GOLPH3: variants seen among roughly 807,000 people sequenced by gnomAD.
The protein encoded by GOLPH3 is coat protein GPP34.
Under a neutral mutation model 28.5 loss-of-function variants are expected in GOLPH3, and 14 were observed. The observed-to-expected ratio is 0.49, with a 90% CI of 0.32 to 0.77. The LOEUF is 0.77. GOLPH3 is among the 30% of genes least tolerant of loss of function. The pLI is 0.03. For synonymous variants in GOLPH3, 158 were observed against 159.2 expected, an observed-to-expected ratio of 0.99 and a Z score of 0.06; for missense variants, 350 against 393.7, an observed-to-expected ratio of 0.89 and a Z score of 0.94.
intron 3 of GOLPH3, among the ~76,000 whole-genome samples, chr5:32,127,849 C>A (rs1745716549): frequency 6.6e-6 from 1 of 152,126 alleles, no homozygotes; most frequent in Admixed American, 6.5e-5. Flanking sequence ...TTTTCAGACA[C>A]TAGTCAAAAG....
Position 32,173,775 on chromosome 5 carries a change from GCCGCCGCCCCCCGCCCAGC to G in GOLPH3, c.225+16_225+34del, listed in dbSNP as rs1426142746. ...AGCTCACCTGGCGCCCGGGCCCCGC[GCCGCCGCCCCCCGCCCAGC>G]CCGCCGCGCCCGCACCTCGCGGTCC... On this transcript the variant is annotated intron_variant, in intron 1 of 3. Transcript: ENST00000265070. The G allele has an allele frequency of 7.6e-7, 1 of 1,309,208 alleles. No homozygotes were observed. Among genetic ancestry groups the G allele is most frequent in the South Asian group, 2.2e-5 (1 of 45,482 alleles). The allele number at this position is 1,309,208 out of a possible 1,614,324, so 81.1% of individuals were successfully genotyped here.
chr5:32,174,093 T>C lies in GOLPH3; in HGVS notation c.-59A>G. On this transcript the variant is annotated 5_prime_UTR_variant, in exon 1 of 4. Transcript: ENST00000265070. ...GGTCGCAGGACCGACCGGGTCGCCC[T>C]CCTCCTCCCCGCGCGGCCTCCGATC... 1 of 1,145,340 alleles carries C rather than the reference T, an allele frequency of 8.7e-7. No homozygotes were observed. The highest frequency in any genetic ancestry group is 1.1e-6 in the Non-Finnish European group (1 of 909,346). 70.9% of individuals were successfully genotyped at this position (1,145,340 alleles called of 1,614,324 possible). A position where few individuals can be genotyped will look rare whatever the true frequency, so the allele number is the denominator to read the frequency against.
chr5:32,158,138 CA>C (rs1561679328), intron 1 of GOLPH3, among the ~76,000 whole-genome samples: 1 of 91,680 alleles, frequency 1.1e-5, no homozygotes, highest in Non-Finnish European at 2.3e-5. Flanking sequence ...AAAATACACA[CA>C]CACACACACA....
chr5:32,173,504 C>G (rs1746894581), intron 1 of GOLPH3, among the ~76,000 whole-genome samples: 1 of 152,058 alleles, frequency 6.6e-6, no homozygotes, highest in Non-Finnish European at 1.5e-5. Context: ...GGGTTAAAAA[C>G]GCGGAAAAAA....
intron 2 of GOLPH3, among the ~76,000 whole-genome samples, chr5:32,138,378 A>G (rs1454800960): frequency 6.6e-6 from 1 of 151,938 alleles, no homozygotes; most frequent in Non-Finnish European, 1.5e-5. Flanking sequence ...CTATTCTTCA[A>G]TTTTATTTTA....
chr5:32,142,758 C>T (rs560549932), intron 2 of GOLPH3, among the ~76,000 whole-genome samples: 2,973 of 147,632 alleles, frequency 0.02, 110 homozygotes, highest in African/African-American at 0.07. Context: ...GGCGCCTCTG[C>T]CCGGCCGCCC....
chr5:32,157,559 C>T (rs529465187), intron 1 of GOLPH3, among the ~76,000 whole-genome samples: 1 of 152,300 alleles, frequency 6.6e-6, no homozygotes, highest in East Asian at 1.9e-4. Context: ...AGCAAAACTC[C>T]AGCCCCGGAT....
intron 2 of GOLPH3, among the ~76,000 whole-genome samples, chr5:32,142,698 T>TG (rs1203807648): frequency 2.4e-5 from 3 of 124,622 alleles, no homozygotes; most frequent in Admixed American, 8.2e-5. Flanking sequence ...GGGAGGGAGG[T>TG]GGGGGGATCA....
At chr5:32,162,926 A>C (rs1462067456) in intron 1 of GOLPH3, among the ~76,000 whole-genome samples, 3 of 152,122 alleles carry the variant, frequency 2.0e-5, no homozygotes, top group Admixed American at 2.0e-4. Context: ...AAAATACAAA[A>C]AATTAGCCGG....
chr5:32,147,846 G>A (rs1746211960), intron 1 of GOLPH3, among the ~76,000 whole-genome samples: 1 of 152,084 alleles, frequency 6.6e-6, no homozygotes, highest in Admixed American at 6.6e-5. Context: ...CAAGAGCCCA[G>A]ACCGCACAAA....
Position 32,174,156 on chromosome 5 carries a change from C to T in GOLPH3, c.-122G>A, listed in dbSNP as rs948258777. 2.4e-5 allele frequency: 14 copies of T among 589,254 alleles called. No individual in the cohort carries two copies. The highest frequency in any genetic ancestry group is 3.2e-5 in the Non-Finnish European group (13 of 404,496). 36.5% of individuals were successfully genotyped at this position (589,254 alleles called of 1,614,324 possible). A position where few individuals can be genotyped will look rare whatever the true frequency, so the allele number is the denominator to read the frequency against. On this transcript the variant is annotated 5_prime_UTR_variant, in exon 1 of 4. Coordinates refer to ENST00000265070, the MANE Select transcript of GOLPH3 (RefSeq NM_022130.4). ...TTAAATCCGGACGCCGGGGCGACGT[C>T]CGTCGGCAGCAGGGCCGGGGGCAGT... is the stretch of plus-strand genomic sequence containing the variant.
intron 3 of GOLPH3, 66 bp downstream of exon 3, chr5:32,135,506 A>G (rs1470658834): frequency 1.0e-6 from 1 of 997,632 alleles, no homozygotes; most frequent in East Asian, 2.4e-5. Context: ...GGTTCCTTTC[A>G]AAAGGATTTA....
chr5:32,156,555 C>T (rs925713656), intron 1 of GOLPH3, among the ~76,000 whole-genome samples: 4 of 152,074 alleles, frequency 2.6e-5, no homozygotes, highest in African/African-American at 9.7e-5. Context: ...TGTGGTAGTC[C>T]CAACCTTTTT....
chr5:32,155,164 T>C (rs1746392045), intron 1 of GOLPH3, among the ~76,000 whole-genome samples: 1 of 151,466 alleles, frequency 6.6e-6, no homozygotes, highest in African/African-American at 2.4e-5. Flanking sequence ...CTAAATACAC[T>C]AAAAGTCACT....
intron 1 of GOLPH3, among the ~76,000 whole-genome samples, chr5:32,144,694 A>G (rs995432700): frequency 1.1e-4 from 17 of 152,356 alleles, no homozygotes; most frequent in African/African-American, 3.4e-4. Context: ...AATAAACAGT[A>G]TAACAATCAG....
At chr5:32,141,604 C>T (rs1212938781) in intron 2 of GOLPH3, among the ~76,000 whole-genome samples, 4 of 150,838 alleles carry the variant, frequency 2.7e-5, no homozygotes, top group South Asian at 2.1e-4. Flanking sequence ...CCTCTCCCCA[C>T]GGTCTCCCTC....
intron 1 of GOLPH3, among the ~76,000 whole-genome samples, chr5:32,153,658 T>A (rs1746358394): frequency 6.6e-6 from 1 of 152,148 alleles, no homozygotes; most frequent in Non-Finnish European, 1.5e-5. Flanking sequence ...AACCAAAATT[T>A]TCAGTAAGAA....
intron 1 of GOLPH3, among the ~76,000 whole-genome samples, chr5:32,152,407 G>A (rs1477655516): frequency 6.9e-6 from 1 of 145,334 alleles, no homozygotes; most frequent in African/African-American, 2.5e-5. Context: ...TTACAGGTAT[G>A]AGCCACCGCG....
At chr5:32,162,054 T>A (rs1314421449) in intron 1 of GOLPH3, among the ~76,000 whole-genome samples, 3 of 149,316 alleles carry the variant, frequency 2.0e-5, no homozygotes, top group Non-Finnish European at 4.4e-5. Context: ...AAATAAAAAA[T>A]AAAAAAATAA....
Sources: allele counts gnomAD v4.1 joint callset (sites outside exome capture counted in the v4.1 genomes callset), GRCh38; gene constraint gnomAD v4.1.1; transcripts MANE v1.5; gene names NCBI Gene and HGNC (gene_info 2026-07-23, HGNC 2026-07-21).